Variants in DLG2 observed in about 807,000 individuals in gnomAD.
DLG2 encodes discs large MAGUK scaffold protein 2, also known as disks large homolog 2.
DLG2 carries 45 observed loss-of-function variants against 132.5 expected under a neutral mutation model. The observed-to-expected ratio is 0.34, with a 90% CI of 0.27 to 0.44. The LOEUF is 0.44. Ranked by LOEUF, DLG2 falls within the 20% of genes least tolerant of loss-of-function variation. The probability of loss-of-function intolerance (pLI) is 1.00; values close to 1 mark genes in which losing one functional copy is unlikely to be tolerated. For missense variants in DLG2, 1,045 were observed against 1,196.9 expected (o/e 0.87, Z 1.87); for synonymous variants, 424 against 419.6 (o/e 1.01, Z -0.13).
Position 85,477,723 on chromosome 11 carries a change from A to G in DLG2, c.40+120934T>C, listed in dbSNP as rs577426120. Among the ~76,000 whole-genome samples, 8 of 152,334 alleles carry G rather than the reference A, an allele frequency of 5.3e-5. No homozygotes were observed. In the East Asian group the frequency reaches 1.2e-3, roughly 22 times the overall value. ...CCAAATTATTCTATTTCTGTCATTT[A>G]ACACTATCAGAGTGCCAAAAAAGAG... is the stretch of plus-strand genomic sequence containing the variant. On this transcript the variant is annotated intron_variant, in intron 3 of 27. Coordinates refer to ENST00000376104, the MANE Select transcript of DLG2 (RefSeq NM_001142699.3).
At chr11:83,519,239 C>T (rs555299725) in intron 21 of DLG2, among the ~76,000 whole-genome samples, 1 of 152,302 alleles carries the variant, frequency 6.6e-6, no homozygotes, top group South Asian at 2.1e-4. Flanking sequence ...TTCCCTAGCA[C>T]TCAGCAGGTG....
intron 17 of DLG2, among the ~76,000 whole-genome samples, chr11:83,796,909 C>CA (rs1039455789): frequency 6.6e-6 from 1 of 151,966 alleles, no homozygotes; most frequent in African/African-American, 2.4e-5. Context: ...AGTGCTAGCA[C>CA]AAAAAAAGTC....
intron 17 of DLG2, chr11:83,814,677 C>T (rs890345792): frequency 6.3e-5 from 10 of 157,530 alleles, no homozygotes; most frequent in East Asian, 1.8e-4. Flanking sequence ...TCTGTTCAAT[C>T]TGTTACAGAT....
intron 4 of DLG2, among the ~76,000 whole-genome samples, chr11:85,279,410 G>A (rs1362080262): frequency 6.6e-6 from 1 of 152,032 alleles, no homozygotes; most frequent in Non-Finnish European, 1.5e-5. Context: ...GGAAACAGAA[G>A]GGAAAACAGT....
chr11:84,536,605 C>G (rs879831151), intron 6 of DLG2, among the ~76,000 whole-genome samples: 1 of 152,140 alleles, frequency 6.6e-6, no homozygotes, highest in Non-Finnish European at 1.5e-5. Context: ...GTCACACTTG[C>G]GCCCATTTTA....
chr11:85,495,524 G>GA (rs1399488680), intron 3 of DLG2, among the ~76,000 whole-genome samples: 1 of 152,012 alleles, frequency 6.6e-6, no homozygotes, highest in Non-Finnish European at 1.5e-5. Flanking sequence ...CAACAAACAT[G>GA]AAAAAAAGCT....
intron 3 of DLG2, among the ~76,000 whole-genome samples, chr11:85,442,006 A>G (rs2091803494): frequency 6.6e-6 from 1 of 152,250 alleles, no homozygotes; most frequent in Non-Finnish European, 1.5e-5. Flanking sequence ...AGAGATCCAG[A>G]GGAAAGTATC....
chr11:84,375,821 A>G (rs545204393), intron 7 of DLG2, among the ~76,000 whole-genome samples: 1 of 152,176 alleles, frequency 6.6e-6, no homozygotes, highest in East Asian at 1.9e-4. Flanking sequence ...ATCTTAGATT[A>G]TCATACATAC....
intron 5 of DLG2, among the ~76,000 whole-genome samples, chr11:85,131,484 A>G (rs1246885991): frequency 6.6e-6 from 1 of 152,182 alleles, no homozygotes; most frequent in East Asian, 1.9e-4. Context: ...ACATAAGGAC[A>G]TACAATTTCC....
chr11:83,947,703 A>G (rs951159775), intron 14 of DLG2, among the ~76,000 whole-genome samples: 1 of 152,214 alleles, frequency 6.6e-6, no homozygotes, highest in Non-Finnish European at 1.5e-5. Context: ...CCCGTGGCAT[A>G]GGCATGGATG....
At chr11:84,726,202 G>T (rs2062431571) in intron 6 of DLG2, among the ~76,000 whole-genome samples, 1 of 152,066 alleles carries the variant, frequency 6.6e-6, no homozygotes, top group Non-Finnish European at 1.5e-5. Context: ...TGGCATGGTG[G>T]TTTGCTGCAA....
rs1349423571 is a variant in DLG2, at chr11:83,471,730, G to A, written c.2345-3C>T. 2.5e-6 allele frequency: 4 copies of A among 1,611,188 alleles called. No individual in the cohort carries two copies. Among genetic ancestry groups the A allele is most frequent in the Admixed American group, 1.7e-5 (1 of 59,828 alleles). Reference sequence around the variant, plus strand: ...AATCACCGGCCGGGTGTAGTTTACTGCAGAATGGGAAAGGAAGATGTAGGT... The same window carrying A: ...AATCACCGGCCGGGTGTAGTTTACTACAGAATGGGAAAGGAAGATGTAGGT... On this transcript the variant is annotated splice_region_variant and splice_polypyrimidine_tract_variant and intron_variant, in intron 23 of 27. Transcript: ENST00000376104.
chr11:83,516,264 CT>C (rs1415356163), intron 21 of DLG2, among the ~76,000 whole-genome samples: 1 of 152,132 alleles, frequency 6.6e-6, no homozygotes, highest in African/African-American at 2.4e-5. Flanking sequence ...GAATTGATCC[CT>C]TTACCATTAT....
intron 18 of DLG2, chr11:83,681,998 C>T (rs1030102081): frequency 3.3e-6 from 1 of 305,236 alleles, no homozygotes; most frequent in African/African-American, 2.3e-5. Flanking sequence ...GCTTTTCTTT[C>T]ATCTTTTAAG....
chr11:84,820,177 C>A (rs1407793969), intron 6 of DLG2, among the ~76,000 whole-genome samples: 1 of 151,708 alleles, frequency 6.6e-6, no homozygotes, highest in Non-Finnish European at 1.5e-5. Flanking sequence ...CCTTCTTCTA[C>A]CTCCCAAGAT....
chr11:84,128,163 G>C (rs2094262680), intron 9 of DLG2, among the ~76,000 whole-genome samples: 1 of 152,116 alleles, frequency 6.6e-6, no homozygotes, highest in African/African-American at 2.4e-5. Context: ...CCATTTAATA[G>C]GGGTAGAGAG....
intron 14 of DLG2, among the ~76,000 whole-genome samples, chr11:83,939,709 C>A (rs1343960216): frequency 6.6e-6 from 1 of 151,638 alleles, no homozygotes; most frequent in African/African-American, 2.4e-5. Context: ...TCACACCCCC[C>A]ACAAGAATTT....
chr11:84,213,383 T>G (rs529850207), intron 8 of DLG2, among the ~76,000 whole-genome samples: 1 of 152,308 alleles, frequency 6.6e-6, no homozygotes, highest in South Asian at 2.1e-4. Flanking sequence ...GCTCAACAAA[T>G]GTCTATTGAA....
rs185761198 is a variant in DLG2, at chr11:85,268,991, T to C, written c.186+16229A>G. Among the ~76,000 whole-genome samples the C allele has an allele frequency of 4.4e-3, 670 of 152,360 alleles. 3 individuals carry two copies. Among genetic ancestry groups the C allele is most frequent in the Non-Finnish European group, 7.1e-3 (486 of 68,026 alleles). Reference sequence around the variant, plus strand: ...TTCTAAGTACTAGAATGTGTCATAATAGAAATAGTAAGCTCTATATCTCAA... The same window carrying C: ...TTCTAAGTACTAGAATGTGTCATAACAGAAATAGTAAGCTCTATATCTCAA... On this transcript the variant is annotated intron_variant, in intron 4 of 27. Coordinates refer to ENST00000376104, the MANE Select transcript of DLG2 (RefSeq NM_001142699.3).
Sources: gnomAD v4.1 joint callset for allele counts (sites outside exome capture counted in the v4.1 genomes callset) on GRCh38, gnomAD v4.1.1 for gene constraint, MANE v1.5 for transcripts, NCBI Gene and HGNC (gene_info 2026-07-23, HGNC 2026-07-21) for gene names.